The following GGA2 variants were observed in gnomAD, a reference collection of about 807,000 sequenced individuals.
GGA2 encodes ADP-ribosylation factor-binding protein GGA2.
GGA2 carries 48 observed loss-of-function variants against 79.5 expected under a neutral mutation model. That is an observed-to-expected ratio of 0.60 (90% CI 0.48 to 0.77). The LOEUF (loss-of-function observed/expected upper bound fraction) is 0.77. Among genes scored for constraint, GGA2 ranks in the 30% least tolerant of loss-of-function variants. The pLI, the probability that GGA2 is intolerant of heterozygous loss-of-function variation, is 0.00. For missense variants in GGA2, 770 were observed against 774.0 expected (o/e 0.99, Z 0.06); for synonymous variants, 317 against 302.0 (o/e 1.05, Z -0.51).
chr16:23,510,261 G>C (rs1468065211), intron 1 of GGA2, 60 bp downstream of exon 1: 3 of 1,127,826 alleles, frequency 2.7e-6, no homozygotes, highest in East Asian at 3.3e-5. Flanking sequence ...CCCGGGAGGC[G>C]GGAAGCGAGG....
chr16:23,509,745 CAT>C (rs1486072422), intron 1 of GGA2, among the ~76,000 whole-genome samples: 1 of 148,286 alleles, frequency 6.7e-6, no homozygotes, highest in Non-Finnish European at 1.5e-5. Flanking sequence ...AAAAAACACA[CAT>C]ATATATATAT....
chr16:23,515,140 A>T (rs1376504691), upstream of GGA2, among the ~76,000 whole-genome samples: 1 of 151,094 alleles, frequency 6.6e-6, no homozygotes, highest in Non-Finnish European at 1.5e-5. Flanking sequence ...TCCTTAATCT[A>T]AAAGAGATAA....
chr16:23,512,615 A>G (rs1184684217), upstream of GGA2, among the ~76,000 whole-genome samples: 1 of 151,814 alleles, frequency 6.6e-6, no homozygotes, highest in Non-Finnish European at 1.5e-5. Flanking sequence ...CATCCATTTC[A>G]ACATTCCTGA....
At chr16:23,511,634 CA>C (rs1229452665), upstream of GGA2, among the ~76,000 whole-genome samples, 2 of 152,050 alleles carry the variant, frequency 1.3e-5, no homozygotes, top group East Asian at 3.9e-4. Flanking sequence ...CTGCATTCCT[CA>C]ATACTCTGCT....
intron 2 of GGA2, among the ~76,000 whole-genome samples, chr16:23,518,654 T>C (rs559121146): frequency 3.9e-4 from 59 of 152,336 alleles, no homozygotes; most frequent in South Asian, 8.3e-4. Context: ...CTGCTAATTA[T>C]ACTGGCAAAT....
At chr16:23,521,929 C>T (rs1965147043) in exon 1 of GGA2, 7 of 417,680 alleles carry the variant, frequency 1.7e-5, no homozygotes, top group Non-Finnish European at 2.9e-5. Context: ...GGTTTTGCCT[C>T]GTACTATAAC....
chr16:23,507,621 A>ATC (rs377664675), intron 1 of GGA2, among the ~76,000 whole-genome samples: 1,610 of 142,886 alleles, frequency 0.011, 27 homozygotes, highest in African/African-American at 0.038. Flanking sequence ...ATGAAACTCC[A>ATC]TCTCTCTCTC....
At chr16:23,507,186 A>G (rs1178953979) in intron 1 of GGA2, among the ~76,000 whole-genome samples, 1 of 152,212 alleles carries the variant, frequency 6.6e-6, no homozygotes. Context: ...TATGGGCCAA[A>G]GTAGGCACCA....
intron 2 of GGA2, among the ~76,000 whole-genome samples, chr16:23,518,436 C>T (rs1037033341): frequency 8.5e-5 from 13 of 152,062 alleles, no homozygotes; most frequent in African/African-American, 1.7e-4. Flanking sequence ...TGGTCTTAAA[C>T]GCCTGTGCTC....
At chr16:23,520,520 G>A (rs1476665615) in intron 1 of GGA2, among the ~76,000 whole-genome samples, 1 of 151,918 alleles carries the variant, frequency 6.6e-6, no homozygotes, top group Non-Finnish European at 1.5e-5. Context: ...AGCCAGGTGT[G>A]GTGGCATGCA....
At chr16:23,498,478 C>T (rs1466530691) in intron 1 of GGA2, among the ~76,000 whole-genome samples, 3 of 151,918 alleles carry the variant, frequency 2.0e-5, no homozygotes, top group South Asian at 2.1e-4. Flanking sequence ...CCTGTAATCC[C>T]AGCACTTTGG....
chr16:23,475,346 T>C (rs1964564274), intron 13 of GGA2, among the ~76,000 whole-genome samples: 1 of 151,576 alleles, frequency 6.6e-6, no homozygotes, highest in Non-Finnish European at 1.5e-5. Context: ...CCTGCCACCA[T>C]GTCCGACTAA....
chr16:23,514,870 T>C (rs1047720526), upstream of GGA2, among the ~76,000 whole-genome samples: 5 of 151,946 alleles, frequency 3.3e-5, no homozygotes, highest in Non-Finnish European at 1.5e-5. Context: ...ATCAGGTTTG[T>C]TGCAAATTGC....
chr16:23,480,793 G>C, intron 9 of GGA2, 23 bp from the exon 10 acceptor site: 1 of 1,596,654 alleles, frequency 6.3e-7, no homozygotes, highest in Admixed American at 1.7e-5. Context: ...GGAAGACTCA[G>C]AACCCCCTGG....
At chr16:23,486,836 A>G (rs200436410) in intron 6 of GGA2, 46 bp from the exon 7 acceptor site, 2 of 1,088,130 alleles carry the variant, frequency 1.8e-6, no homozygotes, top group East Asian at 2.3e-5. Flanking sequence ...CAACTCCCTC[A>G]GGCCTAGAGC....
chr16:23,494,548 C>T (rs1195297261), intron 2 of GGA2, 170 bp from the exon 3 acceptor site: 7 of 623,738 alleles, frequency 1.1e-5, no homozygotes, highest in Non-Finnish European at 2.0e-5. Context: ...GGCCACCTCG[C>T]ACCCACCCTG....
intron 1 of GGA2, among the ~76,000 whole-genome samples, chr16:23,496,339 G>A (rs932376355): frequency 6.7e-6 from 1 of 149,364 alleles, no homozygotes; most frequent in Non-Finnish European, 1.5e-5. Flanking sequence ...TAACTGACAA[G>A]TTATTCCCCT....
At chr16:23,509,327 CTT>C (rs1965009433) in intron 1 of GGA2, among the ~76,000 whole-genome samples, 1 of 152,156 alleles carries the variant, frequency 6.6e-6, no homozygotes, top group Non-Finnish European at 1.5e-5. Context: ...TCCACATTCT[CTT>C]GTCCCCAGCT....
At chr16:23,494,247 G>A (rs896732031) in intron 3 of GGA2, 56 bp downstream of exon 3, 12 of 1,158,716 alleles carry the variant, frequency 1.0e-5, no homozygotes, top group East Asian at 9.3e-5. Flanking sequence ...AGCGCCTCTC[G>A]GCTCTCTATA....
Sources: allele counts gnomAD v4.1 joint callset (sites outside exome capture counted in the v4.1 genomes callset), GRCh38; gene constraint gnomAD v4.1.1; transcripts MANE v1.5; gene names NCBI Gene and HGNC (gene_info 2026-07-23, HGNC 2026-07-21).